The following ENOX1 variants were observed in gnomAD, a reference collection of about 807,000 sequenced individuals.
The protein encoded by ENOX1 is ecto-NOX disulfide-thiol exchanger 1.
Under a neutral mutation model 82.5 loss-of-function variants are expected in ENOX1, and 42 were observed. The observed-to-expected ratio is 0.51, with a 90% confidence interval of 0.40 to 0.66. The LOEUF is 0.66. Ranked by LOEUF, ENOX1 falls within the 30% of genes least tolerant of loss-of-function variation. ENOX1 has a pLI of 0.00. For missense variants in ENOX1, 608 were observed against 811.6 expected, an observed-to-expected ratio of 0.75 and a Z score of 3.05; for synonymous variants, 271 against 282.2, an observed-to-expected ratio of 0.96 and a Z score of 0.40.
intron 2 of ENOX1, among the ~76,000 whole-genome samples, chr13:43,626,780 G>A (rs2082982583): frequency 1.3e-5 from 2 of 151,810 alleles, no homozygotes; most frequent in Non-Finnish European, 1.5e-5. Flanking sequence ...TGGGTGGACT[G>A]TTTTATAAAT....
chr13:43,523,814 T>C (rs2077876730), intron 2 of ENOX1, among the ~76,000 whole-genome samples: 2 of 152,152 alleles, frequency 1.3e-5, no homozygotes, highest in South Asian at 2.1e-4. Flanking sequence ...ACTAATGCTA[T>C]GTATTTTAAT....
intron 11 of ENOX1, among the ~76,000 whole-genome samples, chr13:43,301,811 G>A (rs1304674871): frequency 6.6e-6 from 1 of 152,108 alleles, no homozygotes; most frequent in East Asian, 1.9e-4. Flanking sequence ...GTGTCATACT[G>A]CAGCCCTGAA....
At chr13:43,736,753 A>G (rs114591167) in intron 1 of ENOX1, among the ~76,000 whole-genome samples, 2 of 152,176 alleles carry the variant, frequency 1.3e-5, no homozygotes, top group South Asian at 4.1e-4. Flanking sequence ...GGCTGTAGCA[A>G]AAGGCAGGTT....
chr13:43,355,977 C>CGGG lies in ENOX1; in HGVS notation c.762_764dup (p.Pro256dup). 1 of 1,612,642 alleles carries CGGG rather than the reference C, an allele frequency of 6.2e-7. No individual in the cohort carries two copies. Among genetic ancestry groups the CGGG allele is most frequent in the Non-Finnish European group, 8.5e-7 (1 of 1,179,828 alleles). On this transcript the variant is annotated inframe_insertion, in exon 8 of 17. Transcript: ENST00000690772. ...GCTCCGAGTAGTGCATTATGGCAGG[C>CGGG]GGGGATGGGGGCCTGAGCCGGTCCT...
intron 1 of ENOX1, among the ~76,000 whole-genome samples, chr13:43,697,415 T>C (rs1186666858): frequency 3.0e-4 from 45 of 152,188 alleles, no homozygotes; most frequent in Non-Finnish European, 8.8e-5. Context: ...CTTGGGAAAC[T>C]GACCAAATTT....
intron 5 of ENOX1, among the ~76,000 whole-genome samples, chr13:43,377,684 T>G (rs2051738102): frequency 6.6e-6 from 1 of 152,218 alleles, no homozygotes; most frequent in Non-Finnish European, 1.5e-5. Flanking sequence ...TTTGCATACC[T>G]TATTTAATTT....
intron 14 of ENOX1, among the ~76,000 whole-genome samples, chr13:43,255,309 C>CAT (rs1228179545): frequency 6.6e-6 from 1 of 151,940 alleles, no homozygotes; most frequent in Non-Finnish European, 1.5e-5. Context: ...TAATAATGAC[C>CAT]ATATATGACA....
intron 5 of ENOX1, among the ~76,000 whole-genome samples, chr13:43,405,970 G>T (rs1016272185): frequency 1.3e-5 from 2 of 152,044 alleles, no homozygotes; most frequent in African/African-American, 2.4e-5. Flanking sequence ...TGTTTCTCCC[G>T]CCACTCTAAA....
chr13:43,384,618 C>G (rs1231364242), intron 5 of ENOX1, among the ~76,000 whole-genome samples: 2 of 152,180 alleles, frequency 1.3e-5, no homozygotes. Flanking sequence ...CAGGTTTTTC[C>G]GCTATGCCAT....
intron 12 of ENOX1, among the ~76,000 whole-genome samples, chr13:43,273,981 A>G (rs891729719): frequency 2.0e-5 from 3 of 152,128 alleles, no homozygotes; most frequent in African/African-American, 7.2e-5. Context: ...CCCCACTTCT[A>G]TGGGATTAAA....
At chr13:43,647,105 G>C (rs1262631596) in intron 2 of ENOX1, among the ~76,000 whole-genome samples, 1 of 152,114 alleles carries the variant, frequency 6.6e-6, no homozygotes, top group African/African-American at 2.4e-5. Flanking sequence ...ACCTTGTAAG[G>C]GGCAGGGAAG....
intron 2 of ENOX1, among the ~76,000 whole-genome samples, chr13:43,640,493 T>A (rs1272518999): frequency 1.3e-5 from 2 of 152,338 alleles, no homozygotes; most frequent in East Asian, 3.9e-4. Flanking sequence ...CTCACCAGGT[T>A]CTTCTAGATG....
At chr13:43,372,749 G>A (rs1566062383) in intron 5 of ENOX1, among the ~76,000 whole-genome samples, 1 of 152,108 alleles carries the variant, frequency 6.6e-6, no homozygotes, top group Non-Finnish European at 1.5e-5. Flanking sequence ...GTGAATTAGT[G>A]AATTAAGGGA....
chr13:43,615,602 T>C lies in ENOX1; in HGVS notation c.-219+51877A>G, dbSNP rs529811251. On this transcript the variant is annotated intron_variant, in intron 2 of 16. Transcript: ENST00000690772. ...ACTCTTCTTAAGTTTATTATTATTA[T>C]TATAATACTTTAAGTTCTGGGATAC... Among the ~76,000 whole-genome samples the C allele has an allele frequency of 2.3e-4, 35 of 152,282 alleles. No homozygotes were observed. In the South Asian group the frequency reaches 7.3e-3, roughly 32 times the overall value.
chr13:43,687,669 G>T (rs1361116457), intron 1 of ENOX1, among the ~76,000 whole-genome samples: 1 of 152,184 alleles, frequency 6.6e-6, no homozygotes, highest in Non-Finnish European at 1.5e-5. Context: ...TGCATGCTAT[G>T]TTCCAAGCAT....
intron 2 of ENOX1, among the ~76,000 whole-genome samples, chr13:43,576,300 T>A (rs913251192): frequency 6.6e-6 from 1 of 152,184 alleles, no homozygotes; most frequent in African/African-American, 2.4e-5. Context: ...TAAGACTCAA[T>A]CCACTTGCCG....
chr13:43,367,397 GT>G (rs1397871260), intron 5 of ENOX1, among the ~76,000 whole-genome samples: 1 of 152,088 alleles, frequency 6.6e-6, no homozygotes, highest in Admixed American at 6.6e-5. Flanking sequence ...ATAAGATTAG[GT>G]CATACTGGAT....
At chr13:43,512,038 G>A (rs775964860) in intron 2 of ENOX1, among the ~76,000 whole-genome samples, 1 of 152,024 alleles carries the variant, frequency 6.6e-6, no homozygotes, top group Non-Finnish European at 1.5e-5. Context: ...GATATTATAT[G>A]TGCATAATCT....
At chr13:43,752,140 T>C (rs938819344) in intron 1 of ENOX1, among the ~76,000 whole-genome samples, 1 of 152,206 alleles carries the variant, frequency 6.6e-6, no homozygotes. Context: ...ATTAATCATG[T>C]TGAGCATCTT....
Sources: allele counts gnomAD v4.1 joint callset (sites outside exome capture counted in the v4.1 genomes callset), GRCh38; gene constraint gnomAD v4.1.1; transcripts MANE v1.5; gene names NCBI Gene and HGNC (gene_info 2026-07-23, HGNC 2026-07-21).